Variants in RPS6KA6 observed in about 807,000 individuals in gnomAD.
The protein encoded by RPS6KA6 is ribosomal protein S6 kinase alpha-6.
Under a neutral mutation model 65.4 loss-of-function variants are expected in RPS6KA6, and 27 were observed. The ratio of observed to expected loss-of-function variants is 0.41; its 90% CI spans 0.30 to 0.57. The LOEUF (loss-of-function observed/expected upper bound fraction) is 0.57, where lower values mean the gene tolerates loss of function less well. Ranked by LOEUF, RPS6KA6 falls within the 20% of genes least tolerant of loss-of-function variation. RPS6KA6 has a pLI of 0.24. For synonymous variants in RPS6KA6, 190 were observed against 184.2 expected (o/e 1.03, Z -0.26); for missense variants, 486 against 555.6 (o/e 0.87, Z 1.26).
chrX:84,117,493 A>C, intron 9 of RPS6KA6, 39 bp from the exon 10 acceptor site: 1 of 825,320 alleles, frequency 1.2e-6, no homozygotes, highest in Non-Finnish European at 1.7e-6. Flanking sequence ...CAATTAGAAC[A>C]CCTTAGAATA....
At chrX:84,098,131 G>C (rs1409812163) in intron 18 of RPS6KA6, among the ~76,000 whole-genome samples, 1 of 111,032 alleles carries the variant, frequency 9.0e-6, no homozygotes, top group Admixed American at 9.6e-5. Context: ...CACTGATTCT[G>C]TGAGGTAGAC....
intron 1 of RPS6KA6, among the ~76,000 whole-genome samples, chrX:84,180,111 T>C (rs2035828473): frequency 9.0e-6 from 1 of 111,671 alleles, no homozygotes; most frequent in Non-Finnish European, 1.9e-5. Flanking sequence ...TTCTCCTTTG[T>C]TTTCTGAAGT....
Position 84,148,066 on chromosome X carries a change from C to A in RPS6KA6, c.316G>T (p.Val106Leu), listed in dbSNP as rs78275925. 5.9e-6 allele frequency: 7 copies of A among 1,177,755 alleles called. No homozygotes were observed. Among genetic ancestry groups the A allele is most frequent in the East Asian group, 3.0e-5 (1 of 33,406 alleles). The change falls in exon 4 of 22, where the codon GTG (valine) becomes TTG (leucine). Residue 106 changes from valine (V) to leucine (L), a missense_variant. Val to Leu is a conservative substitution (Grantham distance 32). Around this residue, in one of 3 missense-constraint regions of RPS6KA6, gnomAD observed 106 missense variants for 105.0 expected, o/e 1.01. Coordinates refer to ENST00000262752, the MANE Select transcript of RPS6KA6 (RefSeq NM_014496.5). ...CCTTTTAAAGAGGCTTTTTTTAACACCTTCATTGCATAGAGCTGCCCAGCA... is the reference window on the plus strand; with the variant it reads ...CCTTTTAAAGAGGCTTTTTTTAACAACTTCATTGCATAGAGCTGCCCAGCA... Reference protein sequence around the residue: ...PDAGQLYAMKVLKKASLKVRD... With the variant: ...PDAGQLYAMKLLKKASLKVRD...
chrX:84,071,465 A>G (rs1170157920), intron 20 of RPS6KA6, among the ~76,000 whole-genome samples: 1 of 111,403 alleles, frequency 9.0e-6, no homozygotes, highest in African/African-American at 3.3e-5. Flanking sequence ...GTCCTGCCTA[A>G]AAAAATTTAA....
At chrX:84,090,126 T>C (rs1248165434) in intron 20 of RPS6KA6, among the ~76,000 whole-genome samples, 1 of 112,555 alleles carries the variant, frequency 8.9e-6, no homozygotes, top group Non-Finnish European at 1.9e-5. Flanking sequence ...AAAACTTTTT[T>C]ATTACTCATT....
At chrX:84,131,479 T>C (rs1330405766) in intron 8 of RPS6KA6, among the ~76,000 whole-genome samples, 1 of 112,339 alleles carries the variant, frequency 8.9e-6, no homozygotes, top group African/African-American at 3.2e-5. Context: ...GTAAATATAA[T>C]TAACATCTAG....
intron 1 of RPS6KA6, among the ~76,000 whole-genome samples, chrX:84,166,051 C>T (rs1407310721): frequency 8.9e-6 from 1 of 112,098 alleles, no homozygotes; most frequent in Non-Finnish European, 1.9e-5. Context: ...AGAAACATAA[C>T]AAAGTCTTTG....
At position 84,148,059 on chromosome X, in the gene RPS6KA6, T is replaced by C; in HGVS notation, c.323A>G (p.Lys108Arg). The C allele has an allele frequency of 1.7e-6, 2 of 1,169,425 alleles. No individual in the cohort carries two copies. Among genetic ancestry groups the C allele is most frequent in the South Asian group, 1.9e-5 (1 of 51,591 alleles). The change falls in exon 4 of 22, where the codon AAA becomes AGA. Residue 108 changes from lysine to arginine, a missense_variant. Transcript: ENST00000262752. ...AGQLYAMKVL[K>R]KASLKVRDRV... ...TTTTCTACCTTTTAAAGAGGCTTTT[T>C]TTAACACCTTCATTGCATAGAGCTG...
chrX:84,141,070 GA>G (rs2035093982), intron 6 of RPS6KA6, among the ~76,000 whole-genome samples: 3 of 110,603 alleles, frequency 2.7e-5, no homozygotes, highest in African/African-American at 9.8e-5. Flanking sequence ...CTGCATCCTA[GA>G]AAAAAGCTAA....
intron 12 of RPS6KA6, among the ~76,000 whole-genome samples, chrX:84,115,928 T>G (rs1013124973): frequency 9.0e-6 from 1 of 110,752 alleles, no homozygotes; most frequent in Non-Finnish European, 1.9e-5. Flanking sequence ...ATGGAAATAA[T>G]AGACACCGAG....
chrX:84,150,410 GCCTTC>G (rs1447896919), intron 3 of RPS6KA6, among the ~76,000 whole-genome samples: 1 of 111,454 alleles, frequency 9.0e-6, no homozygotes, highest in East Asian at 2.8e-4. Context: ...ATTTTGACAT[GCCTTC>G]CTCACCAAGC....
intron 20 of RPS6KA6, among the ~76,000 whole-genome samples, chrX:84,079,042 G>C (rs1274646415): frequency 9.0e-6 from 1 of 111,213 alleles, no homozygotes; most frequent in Non-Finnish European, 1.9e-5. Flanking sequence ...AATGGGAACA[G>C]CTCCAGTCTG....
At chrX:84,072,127 T>C (rs757787553) in intron 20 of RPS6KA6, among the ~76,000 whole-genome samples, 18 of 111,593 alleles carry the variant, frequency 1.6e-4, no homozygotes, top group Non-Finnish European at 2.6e-4. Context: ...ACAAAAACTA[T>C]AGGCCAATAG....
intron 1 of RPS6KA6, among the ~76,000 whole-genome samples, chrX:84,170,460 T>A (rs1460350754): frequency 9.2e-6 from 1 of 108,837 alleles, no homozygotes; most frequent in Non-Finnish European, 1.9e-5. Context: ...TGAAACCCCA[T>A]CTCTACTAAA....
At chrX:84,135,006 T>C in intron 7 of RPS6KA6, 98 bp downstream of exon 7, 1 of 662,191 alleles carries the variant, frequency 1.5e-6, no homozygotes, top group Non-Finnish European at 2.4e-6. Flanking sequence ...ATATAATTCA[T>C]ATAGAATTCC....
intron 1 of RPS6KA6, among the ~76,000 whole-genome samples, chrX:84,168,951 T>C (rs1463632255): frequency 8.9e-6 from 1 of 112,168 alleles, no homozygotes; most frequent in Non-Finnish European, 1.9e-5. Flanking sequence ...AACCACAGTG[T>C]ATACTCATTG....
intron 3 of RPS6KA6, among the ~76,000 whole-genome samples, chrX:84,152,707 C>G (rs1321582150): frequency 1.8e-5 from 2 of 111,310 alleles, no homozygotes; most frequent in East Asian, 2.8e-4. Flanking sequence ...AACTTGAGGA[C>G]AGAGAAATTT....
intron 10 of RPS6KA6, 70 bp from the exon 11 acceptor site, chrX:84,117,218 G>C: frequency 1.1e-6 from 1 of 903,830 alleles, no homozygotes; most frequent in Non-Finnish European, 1.6e-6. Flanking sequence ...ATCTCAAAAA[G>C]AACTTTTAAA....
intron 1 of RPS6KA6, among the ~76,000 whole-genome samples, chrX:84,171,651 T>C (rs1474547895): frequency 3.6e-5 from 4 of 111,644 alleles, no homozygotes; most frequent in African/African-American, 1.3e-4. Context: ...AAGCACAGTA[T>C]AGAGAACGTA....
Sources: allele counts gnomAD v4.1 joint callset (sites outside exome capture counted in the v4.1 genomes callset), GRCh38; gene constraint gnomAD v4.1.1; regional missense constraint gnomAD v4.1.1; transcripts MANE v1.5; gene names NCBI Gene and HGNC (gene_info 2026-07-23, HGNC 2026-07-21).